HCN2: variants seen among roughly 807,000 people sequenced by gnomAD.
HCN2 encodes the protein hyperpolarization activated cyclic nucleotide gated potassium and sodium channel 2.
In HCN2, 20 loss-of-function variants were observed where a neutral mutation model predicts 52.3. The observed-to-expected ratio is 0.38, with a 90% CI of 0.27 to 0.56. HCN2 has a LOEUF of 0.56. Ranked by LOEUF, HCN2 falls within the 20% of genes least tolerant of loss-of-function variation. The pLI is 0.71. For missense variants in HCN2, 981 were observed against 1,207.7 expected (o/e 0.81, Z 2.78); for synonymous variants, 694 against 537.0 (o/e 1.29, Z -4.04).
intron 1 of HCN2, among the ~76,000 whole-genome samples, chr19:598,076 C>G (rs1983092213): frequency 6.6e-6 from 1 of 152,168 alleles, no homozygotes; most frequent in Non-Finnish European, 1.5e-5. Flanking sequence ...GGTGAGCCCC[C>G]TCGGGGCTGA....
intron 4 of HCN2, 136 bp downstream of exon 4, chr19:608,318 G>C (rs1983491974): frequency 7.5e-6 from 6 of 795,616 alleles, no homozygotes; most frequent in Non-Finnish European, 1.0e-5. Context: ...GAGGCTGGAG[G>C]GAGGCCTTGC....
intron 1 of HCN2, among the ~76,000 whole-genome samples, chr19:600,072 T>C (rs1206166370): frequency 6.6e-6 from 1 of 152,124 alleles, no homozygotes; most frequent in African/African-American, 2.4e-5. Flanking sequence ...GACCCTCCCT[T>C]GTCTGAGTCA....
chr19:605,057 G>T lies in HCN2; in HGVS notation c.1057-4G>T. 1 of 1,608,098 alleles carries T rather than the reference G, an allele frequency of 6.2e-7. No homozygotes were observed. Among genetic ancestry groups the T allele is most frequent in the Non-Finnish European group, 8.5e-7 (1 of 1,177,010 alleles). On this transcript the variant is annotated splice_polypyrimidine_tract_variant and splice_region_variant and intron_variant, in intron 2 of 7. Coordinates refer to ENST00000251287, the MANE Select transcript of HCN2 (RefSeq NM_001194.4). ...TAGGGTGGGCTCACGGCGCCTTCCT[G>T]CAGATCTTCCACATGACCTATGACC...
chr19:607,906 C>T (rs543965707), intron 3 of HCN2, 58 bp from the exon 4 acceptor site: 16 of 1,390,710 alleles, frequency 1.2e-5, no homozygotes, highest in South Asian at 3.7e-5. Flanking sequence ...CCTTGAGGAC[C>T]GAGGGCTCCT....
chr19:604,649 AC>A (rs1983344311), intron 2 of HCN2, among the ~76,000 whole-genome samples: 2 of 53,750 alleles, frequency 3.7e-5, no homozygotes, highest in African/African-American at 9.0e-5. Context: ...CAAGGGCGGG[AC>A]TATGAGGGTT....
intron 7 of HCN2, among the ~76,000 whole-genome samples, chr19:614,795 G>C (rs371596037): frequency 2.4e-4 from 36 of 152,264 alleles, no homozygotes; most frequent in African/African-American, 8.7e-4. Flanking sequence ...GGAGGGAGAC[G>C]GTGACCTGGC....
chr19:611,725 A>G (rs1983644885), intron 5 of HCN2, among the ~76,000 whole-genome samples: 1 of 152,154 alleles, frequency 6.6e-6, no homozygotes, highest in Non-Finnish European at 1.5e-5. Context: ...TCACTCCAGA[A>G]CATTCTCATG....
At chr19:608,715 CT>C in intron 4 of HCN2, among the ~76,000 whole-genome samples, 1 of 152,006 alleles carries the variant, frequency 6.6e-6, no homozygotes, top group Non-Finnish European at 1.5e-5. Context: ...CTGGGCCCAC[CT>C]GGGGGTCTCT....
At chr19:602,945 C>A in intron 1 of HCN2, among the ~76,000 whole-genome samples, 1 of 78,964 alleles carries the variant, frequency 1.3e-5, no homozygotes, top group African/African-American at 5.2e-5. Context: ...GTCCTGCAGG[C>A]GCCTGGGGGG....
rs1984009300 is a variant in HCN2 at position 617,149 on chromosome 19, A to C, written c.*675A>C. On this transcript the variant is annotated 3_prime_UTR_variant, in exon 8 of 8. Transcript: ENST00000251287. ...CCCATTCCGCGCAATAAACGACAGC[A>C]TTGGCGCCAAGCCTGGCCGCGTGTG... 9 of 725,780 alleles carry C rather than the reference A, an allele frequency of 1.2e-5. No individual in the cohort carries two copies. The highest frequency in any genetic ancestry group is 1.7e-5 in the Non-Finnish European group (8 of 462,182). The allele number at this position is 725,780 out of a possible 1,614,324, so 45.0% of individuals were successfully genotyped here. A position where few individuals can be genotyped will look rare whatever the true frequency, so the allele number is the denominator to read the frequency against.
intron 1 of HCN2, among the ~76,000 whole-genome samples, chr19:598,066 G>A (rs960587499): frequency 6.6e-6 from 1 of 152,188 alleles, no homozygotes; most frequent in East Asian, 1.9e-4. Flanking sequence ...TGAGCTCCAC[G>A]GTGAGCCCCC....
At position 613,999 on chromosome 19, in the gene HCN2, A is replaced by G; in HGVS notation, c.1973A>G (p.Asp658Gly). 2.2e-6 allele frequency: 3 copies of G among 1,336,596 alleles called. No individual in the cohort carries two copies. Among genetic ancestry groups the G allele is most frequent in the Non-Finnish European group, 3.0e-6 (3 of 1,013,052 alleles). The allele number at this position is 1,336,596 out of a possible 1,614,324, so 82.8% of individuals were successfully genotyped here. A position where few individuals can be genotyped will look rare whatever the true frequency, so the allele number is the denominator to read the frequency against. Residue 658 changes from aspartate to glycine, a missense_variant, in exon 7 of 8, where the codon GAC becomes GGC. By Grantham distance (94) the Asp-to-Gly change is moderately conservative. Around this residue, in one of 6 missense-constraint regions of HCN2, gnomAD observed 85 missense variants for 106.1 expected, o/e 0.80. Coordinates refer to ENST00000251287, the MANE Select transcript of HCN2 (RefSeq NM_001194.4). ...MRRAFETVAI[D>G]RLDRIGKKNS... ...CGCGCCTTCGAGACGGTGGCCATCGACCGCCTGGACCGCATCGGTGAGCGG... is the reference window on the plus strand; with the variant it reads ...CGCGCCTTCGAGACGGTGGCCATCGGCCGCCTGGACCGCATCGGTGAGCGG...
At chr19:606,351 T>G (rs1983428294) in intron 3 of HCN2, among the ~76,000 whole-genome samples, 1 of 151,536 alleles carries the variant, frequency 6.6e-6, no homozygotes, top group African/African-American at 2.4e-5. Flanking sequence ...TCCGCCTGCC[T>G]CGGCCTCCCA....
intron 6 of HCN2, 110 bp from the exon 7 acceptor site, chr19:613,742 G>C: frequency 1.6e-6 from 2 of 1,232,276 alleles, no homozygotes; most frequent in Non-Finnish European, 2.1e-6. Flanking sequence ...GAGAGCCTGG[G>C]TGGGAAGCGC....
At chr19:613,714 GCCGGGGCCGGCA>G in intron 6 of HCN2, 126 bp from the exon 7 acceptor site, 1 of 371,954 alleles carries the variant, frequency 2.7e-6, no homozygotes, top group Non-Finnish European at 3.9e-6. Flanking sequence ...CGGGGATGGG[GCCGGGGCCGGCA>G]CCAGGGAGAG....
intron 1 of HCN2, among the ~76,000 whole-genome samples, chr19:593,113 G>A (rs949588184): frequency 6.6e-6 from 1 of 152,190 alleles, no homozygotes; most frequent in African/African-American, 2.4e-5. Flanking sequence ...CCCTCACCCC[G>A]GTTCTTCCTC....
chr19:600,186 T>G (rs186760054), intron 1 of HCN2, among the ~76,000 whole-genome samples: 4 of 152,262 alleles, frequency 2.6e-5, no homozygotes, highest in African/African-American at 7.2e-5. Flanking sequence ...TGTGTTTTGT[T>G]CTTTGAGACA....
chr19:604,829 G>GGGTCCTGC (rs1374676972), intron 2 of HCN2, among the ~76,000 whole-genome samples: 4 of 72,312 alleles, frequency 5.5e-5, no homozygotes, highest in African/African-American at 2.5e-4. Flanking sequence ...GGATTTGGGG[G>GGGTCCTGC]GGTCCTGCAG....
At chr19:596,769 T>G (rs1486266310) in intron 1 of HCN2, among the ~76,000 whole-genome samples, 2 of 152,118 alleles carry the variant, frequency 1.3e-5, no homozygotes, top group African/African-American at 4.8e-5. Context: ...GGGGTTGGGC[T>G]TTGGGCCTTC....
Sources: allele counts gnomAD v4.1 joint callset (sites outside exome capture counted in the v4.1 genomes callset), GRCh38; gene constraint gnomAD v4.1.1; regional missense constraint gnomAD v4.1.1; transcripts MANE v1.5; gene names NCBI Gene and HGNC (gene_info 2026-07-23, HGNC 2026-07-21).